The following CREBBP variants were observed in gnomAD, a reference collection of about 807,000 sequenced individuals.
CREBBP encodes the protein CREB binding lysine acetyltransferase, also known as CREB-binding protein.
A neutral mutation model predicts 265.0 loss-of-function variants in CREBBP; 19 were observed. The observed-to-expected ratio is 0.07, with a 90% CI of 0.05 to 0.11. CREBBP has a LOEUF of 0.11. CREBBP is among the 10% of genes least tolerant of loss of function. CREBBP has a pLI of 1.00. For synonymous variants in CREBBP, 1,457 were observed against 1,223.7 expected (o/e 1.19, Z -3.98); for missense variants, 2,525 against 3,219.0 (o/e 0.78, Z 5.22).
chr16:3,762,468 C>T (rs550138277), intron 16 of CREBBP, among the ~76,000 whole-genome samples: 65 of 149,708 alleles, frequency 4.3e-4, no homozygotes, highest in Non-Finnish European at 7.1e-4. Flanking sequence ...GCGTGAGCCA[C>T]GGTGCCTGGC....
rs2055001079 is a variant in CREBBP, at chr16:3,858,111, G to A, written c.86-7102C>T. 2.0e-5 allele frequency among the ~76,000 whole-genome samples: 3 copies of A among 152,098 alleles called. No homozygotes were observed. In the South Asian group the frequency reaches 6.2e-4, roughly 32 times the overall value. On this transcript the variant is annotated intron_variant, in intron 1 of 30. Coordinates refer to ENST00000262367, the MANE Select transcript of CREBBP (RefSeq NM_004380.3). Reference sequence around the variant, plus strand: ...CACTCCTAAACACTGAAAGACAAATGGTACCTACATCTGTTCCAGGATCCA... The same window carrying A: ...CACTCCTAAACACTGAAAGACAAATAGTACCTACATCTGTTCCAGGATCCA...
intron 16 of CREBBP, among the ~76,000 whole-genome samples, chr16:3,762,292 T>C (rs183446969): frequency 6.6e-6 from 1 of 152,210 alleles, no homozygotes; most frequent in East Asian, 1.9e-4. Context: ...CAAGTGTCAC[T>C]TTGGTTGATC....
Position 3,831,995 on chromosome 16 carries a change from T to A in CREBBP, c.798+18302A>T, listed in dbSNP as rs552867962. On this transcript the variant is annotated intron_variant, in intron 2 of 30. Coordinates refer to ENST00000262367, the MANE Select transcript of CREBBP (RefSeq NM_004380.3). The stretch of plus-strand genomic sequence containing the variant: ...CTGGGCAACGGAGTGAGACTCTGAC[T>A]CAGTTAAAAAAAAAAGAAAGAAAAA... Among the ~76,000 whole-genome samples, 3 of 150,428 alleles carry A rather than the reference T, an allele frequency of 2.0e-5. No homozygotes were observed. In the South Asian group the frequency reaches 6.3e-4, roughly 31 times the overall value.
At chr16:3,740,698 T>G in intron 23 of CREBBP, 149 bp from the exon 24 acceptor site, 1 of 953,960 alleles carries the variant, frequency 1.0e-6, no homozygotes, top group Non-Finnish European at 1.6e-6. Flanking sequence ...TAATCTGTCC[T>G]GTGACACGAG....
Position 3,822,125 on chromosome 16 carries a change from C to T in CREBBP, c.799-11346G>A, listed in dbSNP as rs905559237. On this transcript the variant is annotated intron_variant, in intron 2 of 30. Coordinates refer to ENST00000262367, the MANE Select transcript of CREBBP (RefSeq NM_004380.3). ...ACACTGCAATCCAACTATGGCCCAG[C>T]GGGACAGAGGGCCTCAATAAGTCAC... 2.6e-4 allele frequency among the ~76,000 whole-genome samples: 40 copies of T among 152,102 alleles called. 1 individual carries two copies. Among genetic ancestry groups the T allele is most frequent in the Admixed American group, 2.2e-3 (33 of 15,272 alleles).
chr16:3,801,585 G>A (rs548428162), intron 3 of CREBBP, among the ~76,000 whole-genome samples: 9 of 152,094 alleles, frequency 5.9e-5, no homozygotes, highest in Admixed American at 2.6e-4. Flanking sequence ...CAAAAGAATC[G>A]CTTGAACCCA....
At chr16:3,800,760 GAAA>G (rs2053696545) in intron 3 of CREBBP, among the ~76,000 whole-genome samples, 1 of 152,076 alleles carries the variant, frequency 6.6e-6, no homozygotes, top group Non-Finnish European at 1.5e-5. Flanking sequence ...TGAGAAAAGA[GAAA>G]AAAGAACAAA....
chr16:3,818,705 C>A (rs527336101), intron 2 of CREBBP, among the ~76,000 whole-genome samples: 2 of 152,182 alleles, frequency 1.3e-5, no homozygotes, highest in Non-Finnish European at 1.5e-5. Context: ...CCTCAAGACA[C>A]GCCTCAAGCC....
intron 19 of CREBBP, among the ~76,000 whole-genome samples, chr16:3,753,308 T>A (rs1389120590): frequency 6.6e-6 from 1 of 152,198 alleles, no homozygotes; most frequent in African/African-American, 2.4e-5. Flanking sequence ...ACATTGAGCA[T>A]TTTGTCTGTT....
chr16:3,754,733 C>G (rs968149232), intron 19 of CREBBP, among the ~76,000 whole-genome samples: 2 of 152,050 alleles, frequency 1.3e-5, no homozygotes, highest in African/African-American at 4.8e-5. Context: ...TTCAAATTTG[C>G]AAAGTATGAA....
chr16:3,876,350 AAAACTTTAT>A (rs2055399599), intron 1 of CREBBP, among the ~76,000 whole-genome samples: 1 of 150,362 alleles, frequency 6.7e-6, no homozygotes, highest in Non-Finnish European at 1.5e-5. Flanking sequence ...GCAATTTCAA[AAAACTTTAT>A]AAACAGTCTG....
chr16:3,828,966 G>T (rs544281404), intron 2 of CREBBP, among the ~76,000 whole-genome samples: 4 of 151,522 alleles, frequency 2.6e-5, no homozygotes, highest in Non-Finnish European at 5.9e-5. Context: ...TGTTATTCAG[G>T]AAGAATAAAT....
At chr16:3,782,117 T>C (rs894376670) in intron 6 of CREBBP, among the ~76,000 whole-genome samples, 11 of 152,184 alleles carry the variant, frequency 7.2e-5, no homozygotes, top group African/African-American at 2.4e-4. Context: ...AAGGAAACCA[T>C]ATGCAGAAAT....
intron 7 of CREBBP, 60 bp from the exon 8 acceptor site, chr16:3,780,938 T>C: frequency 6.3e-7 from 1 of 1,595,398 alleles, no homozygotes; most frequent in South Asian, 1.1e-5. Context: ...ACACTTTGTC[T>C]AGTAAGGTTC....
intron 2 of CREBBP, among the ~76,000 whole-genome samples, chr16:3,846,789 C>A (rs1424268071): frequency 6.6e-6 from 1 of 152,178 alleles, no homozygotes; most frequent in Non-Finnish European, 1.5e-5. Context: ...TCTCTCTACG[C>A]CTCTATACGC....
rs1174132463 is a variant in CREBBP, at chr16:3,727,501, C to G, written c.*217G>C. 7.4e-6 allele frequency: 1 copy of G among 135,246 alleles called. No individual in the cohort carries two copies. The highest frequency in any genetic ancestry group is 1.5e-5 in the Non-Finnish European group (1 of 68,148). The allele number at this position is 135,246 out of a possible 1,614,324, so 8.4% of individuals were successfully genotyped here. ...GAAAAAAAAGAACCCCCCCCACCCCCCCGCCAAAAAAAAACCAAAGAGAGA... is the reference window on the plus strand; with the variant it reads ...GAAAAAAAAGAACCCCCCCCACCCCGCCGCCAAAAAAAAACCAAAGAGAGA... On this transcript the variant is annotated 3_prime_UTR_variant, in exon 31 of 31. Coordinates refer to ENST00000262367, the MANE Select transcript of CREBBP (RefSeq NM_004380.3).
intron 2 of CREBBP, among the ~76,000 whole-genome samples, chr16:3,845,960 G>A (rs1182278611): frequency 3.4e-5 from 5 of 148,662 alleles, no homozygotes; most frequent in African/African-American, 5.0e-5. Flanking sequence ...TTTTTTAATA[G>A]GAAAAGCACT....
chr16:3,862,984 T>C (rs1396408543), intron 1 of CREBBP, among the ~76,000 whole-genome samples: 1 of 152,154 alleles, frequency 6.6e-6, no homozygotes, highest in Non-Finnish European at 1.5e-5. Flanking sequence ...TCATTTAACA[T>C]GGAAACATGA....
At position 3,817,289 on chromosome 16, in the gene CREBBP, A is replaced by ATCAGCCTCCATGG. The variant is rs535788332; in HGVS notation, c.799-6523_799-6511dup. Among the ~76,000 whole-genome samples, 421 of 152,328 alleles carry ATCAGCCTCCATGG rather than the reference A, an allele frequency of 2.8e-3. 1 individual carries two copies. The highest frequency in any genetic ancestry group is 5.6e-3 in the Admixed American group (85 of 15,302). The stretch of plus-strand genomic sequence containing the variant: ...CACTTGCACACAGAATTACTGACCC[A>ATCAGCCTCCATGG]TCAGCCTCCATGGTCACTTCTGGCT... On this transcript the variant is annotated intron_variant, in intron 2 of 30. Coordinates refer to ENST00000262367, the MANE Select transcript of CREBBP (RefSeq NM_004380.3).
Sources: allele counts gnomAD v4.1 joint callset (sites outside exome capture counted in the v4.1 genomes callset), GRCh38; gene constraint gnomAD v4.1.1; transcripts MANE v1.5; gene names NCBI Gene and HGNC (gene_info 2026-07-23, HGNC 2026-07-21).